The following OSTN variants were observed in gnomAD, a reference collection of about 807,000 sequenced individuals.
OSTN encodes the protein osteocrin.
A neutral mutation model predicts 12.0 loss-of-function variants in OSTN; 9 were observed. The observed-to-expected ratio is 0.75, with a 90% CI of 0.45 to 1.30. OSTN has a LOEUF of 1.30. Among genes scored for constraint, OSTN ranks in the 50% most tolerant of loss-of-function variants. The pLI, the probability that OSTN is intolerant of heterozygous loss-of-function variation, is 0.00. For synonymous variants in OSTN, 59 were observed against 56.9 expected (o/e 1.04, Z -0.16); for missense variants, 148 against 152.3 (o/e 0.97, Z 0.15).
At chr3:191,211,763 A>G (rs1176657335) in intron 1 of OSTN, among the ~76,000 whole-genome samples, 1 of 152,108 alleles carries the variant, frequency 6.6e-6, no homozygotes, top group Non-Finnish European at 1.5e-5. Context: ...TTGTCCCTTC[A>G]GTTCTCCTCT....
At chr3:191,255,272 C>T (rs910074592) in intron 4 of OSTN, among the ~76,000 whole-genome samples, 9 of 152,220 alleles carry the variant, frequency 5.9e-5, no homozygotes, top group African/African-American at 2.2e-4. Flanking sequence ...CCACTGCTCA[C>T]CTCCTGCTGT....
chr3:191,216,738 G>T (rs188179835), intron 2 of OSTN, among the ~76,000 whole-genome samples: 2 of 152,162 alleles, frequency 1.3e-5, no homozygotes, highest in Non-Finnish European at 2.9e-5. Flanking sequence ...CTTTGCTCCA[G>T]TTCCCAACAA....
At chr3:191,232,367 G>A (rs1011886712) in intron 3 of OSTN, among the ~76,000 whole-genome samples, 3 of 124,814 alleles carry the variant, frequency 2.4e-5, no homozygotes, top group Non-Finnish European at 3.2e-5. Flanking sequence ...AAAAATTGTT[G>A]TAACTAGTGC....
At chr3:191,261,872 A>AC (rs781141102) in intron 4 of OSTN, among the ~76,000 whole-genome samples, 2 of 152,226 alleles carry the variant, frequency 1.3e-5, no homozygotes, top group Non-Finnish European at 2.9e-5. Flanking sequence ...GAAATTAGCA[A>AC]GTTCTAGGTC....
At chr3:191,227,372 C>T (rs767213884) in intron 3 of OSTN, among the ~76,000 whole-genome samples, 78 of 151,988 alleles carry the variant, frequency 5.1e-4, no homozygotes, top group Admixed American at 2.0e-4. Flanking sequence ...AAGGCATTCC[C>T]ACGTGGTGCT....
chr3:191,239,250 T>C (rs1004281322), intron 3 of OSTN, among the ~76,000 whole-genome samples: 4 of 152,264 alleles, frequency 2.6e-5, no homozygotes, highest in Admixed American at 2.0e-4. Context: ...GGCCCTGTTA[T>C]GGAATTTTGA....
At chr3:191,206,134 C>A (rs551953797) in intron 1 of OSTN, among the ~76,000 whole-genome samples, 2 of 150,840 alleles carry the variant, frequency 1.3e-5, no homozygotes, top group African/African-American at 2.4e-5. Context: ...TGCAGTGAGC[C>A]AAGATCGTGC....
rs560392979 is a variant in OSTN, at chr3:191,226,394, A to T, written c.317+7433A>T. Among the ~76,000 whole-genome samples the T allele has an allele frequency of 2.6e-5, 4 of 152,312 alleles. No homozygotes were observed. In the South Asian group the frequency reaches 8.3e-4, roughly 32 times the overall value. ...AAGAACTGAGAAACACTTTTTAAAC[A>T]TGATGTACATGTATGTGTGTGTTTG... On this transcript the variant is annotated intron_variant, in intron 3 of 4. Transcript: ENST00000682035.
At chr3:191,227,891 A>G (rs1714952855) in intron 3 of OSTN, among the ~76,000 whole-genome samples, 1 of 152,224 alleles carries the variant, frequency 6.6e-6, no homozygotes, top group Non-Finnish European at 1.5e-5. Flanking sequence ...ATGCCATATC[A>G]GGTGTTATAA....
intron 4 of OSTN, among the ~76,000 whole-genome samples, chr3:191,251,500 TATC>T (rs1022133033): frequency 4.2e-4 from 64 of 152,314 alleles, no homozygotes; most frequent in African/African-American, 1.5e-3. Flanking sequence ...GCCCCAAAAG[TATC>T]ATATTAGCCC....
chr3:191,248,920 G>A (rs1715497962), intron 3 of OSTN, among the ~76,000 whole-genome samples: 1 of 152,200 alleles, frequency 6.6e-6, no homozygotes, highest in African/African-American at 2.4e-5. Flanking sequence ...TCGTACTCCA[G>A]CAGAAATCCT....
intron 4 of OSTN, 51 bp downstream of exon 4, chr3:191,250,184 T>C: frequency 1.5e-6 from 2 of 1,326,418 alleles, no homozygotes; most frequent in Non-Finnish European, 2.2e-6. Flanking sequence ...TGATTAATAT[T>C]TCACAATGGA....
intron 1 of OSTN, among the ~76,000 whole-genome samples, chr3:191,203,147 G>A (rs12632197): frequency 0.39 from 59,194 of 151,944 alleles, 12,015 homozygotes; most frequent in Middle Eastern, 0.52. Context: ...CTCTACCTTG[G>A]TTTTCGTATC....
chr3:191,211,256 C>T (rs1020172738), intron 1 of OSTN, among the ~76,000 whole-genome samples: 2 of 152,016 alleles, frequency 1.3e-5, no homozygotes, highest in Non-Finnish European at 2.9e-5. Flanking sequence ...CTATACTTTC[C>T]GTTTCTCCAC....
intron 3 of OSTN, among the ~76,000 whole-genome samples, chr3:191,235,097 A>C (rs946068149): frequency 6.6e-6 from 1 of 152,162 alleles, no homozygotes; most frequent in African/African-American, 2.4e-5. Context: ...ATCAGAAAAA[A>C]CAGCTTTTCC....
Position 191,250,071 on chromosome 3 carries a change from A to G in OSTN, c.352A>G (p.Ile118Val), listed in dbSNP as rs1270449312. Residue 118 changes from isoleucine to valine, a missense_variant, in exon 4 of 5, where the codon ATC becomes GTC. Transcript: ENST00000682035. The stretch of plus-strand genomic sequence containing the variant: ...AGATCATCCAAAAAGGCGATTTGGT[A>G]TCCCCATGGATCGGATTGGTAGAAA... The part of the protein sequence containing the change: ...VVDHPKRRFG[I>V]PMDRIGRNRL... The G allele has an allele frequency of 1.2e-6, 2 of 1,613,886 alleles. No individual in the cohort carries two copies. Among genetic ancestry groups the G allele is most frequent in the African/African-American group, 2.7e-5 (2 of 75,072 alleles).
chr3:191,222,740 T>C (rs544953027), intron 3 of OSTN, among the ~76,000 whole-genome samples: 2 of 152,092 alleles, frequency 1.3e-5, no homozygotes, highest in African/African-American at 2.4e-5. Context: ...CCAAATGTTG[T>C]CTTGAATTTT....
At chr3:191,241,985 A>G (rs1020501925) in intron 3 of OSTN, among the ~76,000 whole-genome samples, 1 of 152,166 alleles carries the variant, frequency 6.6e-6, no homozygotes, top group Non-Finnish European at 1.5e-5. Context: ...CAAAAAAAAT[A>G]GCAAAACAAA....
At chr3:191,258,927 C>T (rs1249879639) in intron 4 of OSTN, among the ~76,000 whole-genome samples, 3 of 152,090 alleles carry the variant, frequency 2.0e-5, no homozygotes, top group Non-Finnish European at 2.9e-5. Flanking sequence ...CTCATAATAC[C>T]AAATAATTTC....
Sources: allele counts gnomAD v4.1 joint callset (sites outside exome capture counted in the v4.1 genomes callset), GRCh38; gene constraint gnomAD v4.1.1; transcripts MANE v1.5; gene names NCBI Gene and HGNC (gene_info 2026-07-23, HGNC 2026-07-21).